The following SLC25A13 variants were observed in gnomAD, a reference collection of about 807,000 sequenced individuals.
The protein encoded by SLC25A13 is solute carrier family 25 member 13, also known as electrogenic aspartate/glutamate antiporter SLC25A13, mitochondrial.
In SLC25A13, 70 loss-of-function variants were observed where a neutral mutation model predicts 85.5. That is an observed-to-expected ratio of 0.82 (90% CI 0.68 to 1.00). The LOEUF is 1.00. Ranked by LOEUF, SLC25A13 falls within the 50% of genes least tolerant of loss-of-function variation. SLC25A13 has a pLI of 0.00. For missense variants in SLC25A13, 765 were observed against 819.8 expected (o/e 0.93, Z 0.82); for synonymous variants, 259 against 288.7 (o/e 0.90, Z 1.04).
At chr7:96,286,173 A>C (rs1798878034) in intron 2 of SLC25A13, among the ~76,000 whole-genome samples, 2 of 151,512 alleles carry the variant, frequency 1.3e-5, no homozygotes, top group Non-Finnish European at 2.9e-5. Flanking sequence ...AGTCCCAGCT[A>C]CTTGGGAGGC....
At chr7:96,161,065 T>C (rs1793491209) in intron 13 of SLC25A13, among the ~76,000 whole-genome samples, 1 of 152,008 alleles carries the variant, frequency 6.6e-6, no homozygotes. Flanking sequence ...CATAATTTCA[T>C]GTTAGTCATT....
intron 1 of SLC25A13, among the ~76,000 whole-genome samples, chr7:96,311,142 TCAATG>T (rs1305270830): frequency 2.0e-5 from 3 of 152,154 alleles, no homozygotes; most frequent in Non-Finnish European, 4.4e-5. Flanking sequence ...CACTTTTAAC[TCAATG>T]TACCAGGAAG....
chr7:96,159,636 A>C (rs1793425392), intron 13 of SLC25A13, among the ~76,000 whole-genome samples: 1 of 152,204 alleles, frequency 6.6e-6, no homozygotes, highest in South Asian at 2.1e-4. Context: ...AAACGAATAC[A>C]CTAAGTTAGA....
intron 1 of SLC25A13, among the ~76,000 whole-genome samples, chr7:96,300,781 T>A (rs1799521553): frequency 6.6e-6 from 1 of 152,158 alleles, no homozygotes; most frequent in East Asian, 1.9e-4. Context: ...TACATTCTAT[T>A]TAAGGATAGA....
At chr7:96,223,670 C>A (rs577325341) in intron 4 of SLC25A13, among the ~76,000 whole-genome samples, 15 of 152,022 alleles carry the variant, frequency 9.9e-5, no homozygotes, top group Non-Finnish European at 1.9e-4. Flanking sequence ...CGCCTGTAGT[C>A]CCGGCTACCC....
At chr7:96,133,351 C>T (rs1318707807) in intron 14 of SLC25A13, among the ~76,000 whole-genome samples, 1 of 152,184 alleles carries the variant, frequency 6.6e-6, no homozygotes, top group Non-Finnish European at 1.5e-5. Context: ...CCAAGCTAGT[C>T]ATTTTAGGCA....
chr7:96,121,726 T>A lies in SLC25A13; in HGVS notation c.1770A>T (p.Ser590=), dbSNP rs769993871. 21 of 1,614,014 alleles carry A rather than the reference T, an allele frequency of 1.3e-5. No homozygotes were observed. Among genetic ancestry groups the A allele is most frequent in the Non-Finnish European group, 1.8e-5 (21 of 1,180,024 alleles). The change falls in exon 17 of 18, where the codon TCA becomes TCT. Residue 590 remains serine, a synonymous_variant. Transcript: ENST00000265631. ...KGAGARVFRS[S]PQFGVTLLTY... ...TCAGCAAAGTTACACCAAACTGGGG[T>A]GAGGATCGAAATACACGAGCTTTAA...
chr7:96,198,275 T>C lies in SLC25A13; in HGVS notation c.469-5092A>G, dbSNP rs115941336. On this transcript the variant is annotated intron_variant, in intron 5 of 17. Coordinates refer to ENST00000265631, the MANE Select transcript of SLC25A13 (RefSeq NM_014251.3). Reference sequence around the variant, plus strand: ...TGTGCAGGGTTGTAAAAACCAGAGGTCATGAATGACAGGCATTTAAAAAAC... The same window carrying C: ...TGTGCAGGGTTGTAAAAACCAGAGGCCATGAATGACAGGCATTTAAAAAAC... Among the ~76,000 whole-genome samples the C allele has an allele frequency of 6.5e-3, 988 of 152,174 alleles. 10 individuals are homozygous for C. Among genetic ancestry groups the C allele is most frequent in the African/African-American group, 0.022 (929 of 41,524 alleles).
At chr7:96,226,795 T>C (rs1192697799) in intron 4 of SLC25A13, among the ~76,000 whole-genome samples, 1 of 152,200 alleles carries the variant, frequency 6.6e-6, no homozygotes, top group African/African-American at 2.4e-5. Context: ...ATAATTAATA[T>C]AATGACAGCT....
At chr7:96,169,319 T>TA (rs1028705004) in intron 13 of SLC25A13, among the ~76,000 whole-genome samples, 17 of 151,990 alleles carry the variant, frequency 1.1e-4, no homozygotes, top group Middle Eastern at 3.2e-3. Context: ...TAGGTTCGGA[T>TA]AAAAAAAACC....
intron 4 of SLC25A13, among the ~76,000 whole-genome samples, chr7:96,210,386 C>G (rs1795646586): frequency 1.3e-5 from 2 of 151,916 alleles, no homozygotes; most frequent in Non-Finnish European, 2.9e-5. Context: ...AAAGGAAAAA[C>G]AAACAAACAA....
At chr7:96,207,149 C>T (rs1795493677) in intron 5 of SLC25A13, among the ~76,000 whole-genome samples, 1 of 152,126 alleles carries the variant, frequency 6.6e-6, no homozygotes, top group African/African-American at 2.4e-5. Flanking sequence ...GATTCACAGA[C>T]ATTAACGCTT....
intron 13 of SLC25A13, among the ~76,000 whole-genome samples, chr7:96,167,874 C>T (rs905672683): frequency 4.6e-5 from 7 of 151,994 alleles, no homozygotes; most frequent in African/African-American, 1.4e-4. Context: ...CCAAGGCAGG[C>T]GGATCACGAG....
chr7:96,260,070 G>A (rs911143676), intron 3 of SLC25A13, among the ~76,000 whole-genome samples: 17 of 152,122 alleles, frequency 1.1e-4, no homozygotes, highest in African/African-American at 3.6e-4. Flanking sequence ...GGGGAGCAAG[G>A]GGAGGGATAG....
At chr7:96,284,788 G>A (rs181587050) in intron 2 of SLC25A13, among the ~76,000 whole-genome samples, 32 of 152,200 alleles carry the variant, frequency 2.1e-4, no homozygotes, top group Non-Finnish European at 4.1e-4. Context: ...TTTCTCATTC[G>A]CCTTCCACCA....
At chr7:96,141,718 C>A (rs1792572659) in intron 14 of SLC25A13, among the ~76,000 whole-genome samples, 1 of 152,114 alleles carries the variant, frequency 6.6e-6, no homozygotes, top group South Asian at 2.1e-4. Flanking sequence ...TCAGGTCCGG[C>A]TGTGAGCACG....
At chr7:96,288,442 C>T (rs1798977283) in intron 2 of SLC25A13, among the ~76,000 whole-genome samples, 1 of 152,166 alleles carries the variant, frequency 6.6e-6, no homozygotes, top group Admixed American at 6.5e-5. Flanking sequence ...GGGTGCAGCC[C>T]ACCAAGTGTG....
intron 1 of SLC25A13, among the ~76,000 whole-genome samples, chr7:96,302,983 T>G (rs1012233759): frequency 2.0e-5 from 3 of 152,238 alleles, no homozygotes; most frequent in African/African-American, 7.2e-5. Flanking sequence ...CAGTCCTCGC[T>G]GCATATTCAA....
At chr7:96,166,596 A>T (rs1320399173) in intron 13 of SLC25A13, among the ~76,000 whole-genome samples, 1 of 152,228 alleles carries the variant, frequency 6.6e-6, no homozygotes, top group African/African-American at 2.4e-5. Context: ...TGCATATTAC[A>T]CTAGATATAT....
Sources: gnomAD v4.1 joint callset for allele counts (sites outside exome capture counted in the v4.1 genomes callset) on GRCh38, gnomAD v4.1.1 for gene constraint, MANE v1.5 for transcripts, NCBI Gene and HGNC (gene_info 2026-07-23, HGNC 2026-07-21) for gene names.